CXADR: variants seen among roughly 807,000 people sequenced by gnomAD.
CXADR encodes the protein CXADR cell adhesion molecule.
A neutral mutation model predicts 40.3 loss-of-function variants in CXADR; 20 were observed. That is an observed-to-expected ratio of 0.50 (90% CI 0.35 to 0.72). CXADR has a LOEUF of 0.72. CXADR is among the 30% of genes least tolerant of loss of function. The pLI, the probability that CXADR is intolerant of heterozygous loss-of-function variation, is 0.01. For synonymous variants in CXADR, 150 were observed against 161.3 expected (o/e 0.93, Z 0.53); for missense variants, 332 against 449.1 (o/e 0.74, Z 2.36).
At chr21:17,536,503 C>A (rs55941528) in intron 1 of CXADR, among the ~76,000 whole-genome samples, 44,937 of 151,806 alleles carry the variant, frequency 0.3, 8,095 homozygotes, top group African/African-American at 0.51. Flanking sequence ...TAGCTCCTTC[C>A]TTTCACTTTC....
At chr21:17,585,068 A>C (rs994156466) in intron 7 of CXADR, among the ~76,000 whole-genome samples, 1 of 152,170 alleles carries the variant, frequency 6.6e-6, no homozygotes, top group African/African-American at 2.4e-5. Context: ...TTGTGGCTTT[A>C]CTTATTAAAT....
At chr21:17,542,042 G>A (rs1006848107) in intron 1 of CXADR, 1 of 357,940 alleles carries the variant, frequency 2.8e-6, no homozygotes, top group Non-Finnish European at 5.4e-6. Context: ...TTTGCCAAAT[G>A]GTGATTTTTT....
intron 1 of CXADR, among the ~76,000 whole-genome samples, chr21:17,538,582 G>C (rs911875561): frequency 6.6e-6 from 1 of 151,974 alleles, no homozygotes; most frequent in African/African-American, 2.4e-5. Flanking sequence ...GAGGTGGGAG[G>C]ATTACTTGAG....
chr21:17,553,852 C>G lies in CXADR; in HGVS notation c.415+1899C>G, dbSNP rs564971732. On this transcript the variant is annotated intron_variant, in intron 3 of 6. Coordinates refer to ENST00000284878, the MANE Select transcript of CXADR (RefSeq NM_001338.5). ...CAGGATGGTCTCAATCTCCAGACCT[C>G]GTGATCTGCCTGCCTTGGCCTCCCA... is the stretch of plus-strand genomic sequence containing the variant. 6.6e-5 allele frequency among the ~76,000 whole-genome samples: 10 copies of G among 152,154 alleles called. No individual in the cohort carries two copies. In the South Asian group the frequency reaches 1.2e-3, roughly 19 times the overall value.
chr21:17,629,440 C>G, the CXADR span, among the ~76,000 whole-genome samples: 1 of 151,406 alleles, frequency 6.6e-6, no homozygotes, highest in African/African-American at 2.4e-5. Context: ...TGGTATATGC[C>G]TGTAGTCCCA....
chr21:17,599,157 T>C, the CXADR span: 5 of 222,332 alleles, frequency 2.2e-5, no homozygotes, highest in Middle Eastern at 3.5e-3. Context: ...ATGAAATTGG[T>C]TGTACAATAA....
chr21:17,541,545 A>C (rs998857175), intron 1 of CXADR, among the ~76,000 whole-genome samples: 2 of 151,756 alleles, frequency 1.3e-5, no homozygotes, highest in South Asian at 2.1e-4. Flanking sequence ...GCGTCAGAGC[A>C]AGACTCTGTC....
intron 6 of CXADR, among the ~76,000 whole-genome samples, chr21:17,563,744 A>G (rs1051798830): frequency 3.3e-5 from 5 of 151,572 alleles, no homozygotes; most frequent in African/African-American, 1.2e-4. Context: ...GATAGAGACC[A>G]TCCTGGCTAA....
rs369318487 is a variant in CXADR at position 17,531,170 on chromosome 21, G to A, written c.44-15857G>A. ...AAGCTTAGTTGGTCGTGGTGGCAGGGCGCCTATAATCCCAGCTATTCAGGA... is the reference window on the plus strand; with the variant it reads ...AAGCTTAGTTGGTCGTGGTGGCAGGACGCCTATAATCCCAGCTATTCAGGA... On this transcript the variant is annotated intron_variant, in intron 1 of 6. Coordinates refer to ENST00000284878, the MANE Select transcript of CXADR (RefSeq NM_001338.5). Among the ~76,000 whole-genome samples the A allele has an allele frequency of 9.9e-5, 15 of 151,644 alleles. No homozygotes were observed. The East Asian group carries it at 2.0e-3, about 20-fold the overall frequency.
chr21:17,564,039 G>A (rs1203667024), intron 6 of CXADR, among the ~76,000 whole-genome samples: 1 of 150,460 alleles, frequency 6.6e-6, no homozygotes, highest in Non-Finnish European at 1.5e-5. Context: ...AAACAAAAAT[G>A]CAGTAAGTAT....
the CXADR span, chr21:17,608,693 A>C: frequency 3.0e-6 from 1 of 331,408 alleles, no homozygotes; most frequent in African/African-American, 2.1e-5. Context: ...TATTTGTGAT[A>C]AACAGAAATG....
chr21:17,558,873 C>T (rs781186903), intron 3 of CXADR, 103 bp from the exon 4 acceptor site: 1 of 1,233,036 alleles, frequency 8.1e-7, no homozygotes, highest in Admixed American at 2.8e-5. Flanking sequence ...GAATTCTGAA[C>T]CCAGAACCAA....
the CXADR span, chr21:17,614,125 C>G: frequency 4.6e-5 from 7 of 151,196 alleles, no homozygotes; most frequent in Admixed American, 6.6e-5. Flanking sequence ...TTATACTCTT[C>G]TAGGACTTAG....
chr21:17,529,259 C>T (rs191452591), intron 1 of CXADR, among the ~76,000 whole-genome samples: 1 of 151,948 alleles, frequency 6.6e-6, no homozygotes, highest in Non-Finnish European at 1.5e-5. Flanking sequence ...TGTCGAACTC[C>T]TGACTTCGTG....
chr21:17,618,572 C>G, the CXADR span, among the ~76,000 whole-genome samples: 65 of 152,002 alleles, frequency 4.3e-4, 2 homozygotes, highest in Middle Eastern at 0.014. Context: ...GAATCTTGCT[C>G]TGTCGCCCAG....
chr21:17,534,088 A>AGC (rs1395436126), intron 1 of CXADR, among the ~76,000 whole-genome samples: 1 of 44,674 alleles, frequency 2.2e-5, no homozygotes, highest in Admixed American at 2.7e-4. Context: ...ACACATATAT[A>AGC]TATATATATA....
Position 17,569,417 on chromosome 21 carries a change from G to A in CXADR, c.*3725G>A, listed in dbSNP as rs910665306. ...TTATAACATTCCTGTGTTTAGTAGT[G>A]TAAATGTTCTGGGCAAGTTTTAATA... On this transcript the variant is annotated 3_prime_UTR_variant, in exon 7 of 7. Coordinates refer to ENST00000284878, the MANE Select transcript of CXADR (RefSeq NM_001338.5). 7.1e-6 allele frequency: 7 copies of A among 984,770 alleles called. No individual in the cohort carries two copies. The African/African-American group carries it at 1.1e-4, about 15-fold the overall frequency. The allele number at this position is 984,770 out of a possible 1,614,324, so 61.0% of individuals were successfully genotyped here. A position where few individuals can be genotyped will look rare whatever the true frequency, so the allele number is the denominator to read the frequency against.
intron 7 of CXADR, among the ~76,000 whole-genome samples, chr21:17,585,464 A>C (rs2061387915): frequency 6.6e-6 from 1 of 152,086 alleles, no homozygotes; most frequent in African/African-American, 2.4e-5. Flanking sequence ...CCATCCATTA[A>C]ACTATTAATA....
At chr21:17,517,365 G>A (rs963996962) in intron 1 of CXADR, among the ~76,000 whole-genome samples, 5 of 152,192 alleles carry the variant, frequency 3.3e-5, no homozygotes, top group African/African-American at 1.2e-4. Context: ...GGAGGGTATA[G>A]TGAGCAGCTA....
Sources: allele counts gnomAD v4.1 joint callset (sites outside exome capture counted in the v4.1 genomes callset), GRCh38; gene constraint gnomAD v4.1.1; transcripts MANE v1.5; gene names NCBI Gene and HGNC (gene_info 2026-07-23, HGNC 2026-07-21).